The following CSMD1 variants were observed in gnomAD, a reference collection of about 807,000 sequenced individuals.
The protein encoded by CSMD1 is CUB and Sushi multiple domains 1, also known as CUB and sushi domain-containing protein 1.
In CSMD1, 213 loss-of-function variants were observed where a neutral mutation model predicts 417.5. The observed-to-expected ratio is 0.51, with a 90% CI of 0.46 to 0.57. The LOEUF (loss-of-function observed/expected upper bound fraction) is 0.57, where lower values mean the gene tolerates loss of function less well. CSMD1 is among the 20% of genes least tolerant of loss of function. The pLI is 0.00. For synonymous variants in CSMD1, 2,862 were observed against 1,736.8 expected (o/e 1.65, Z -16.11); for missense variants, 6,923 against 4,529.7 (o/e 1.53, Z -15.17).
chr8:4,422,716 C>A (rs527461998), intron 2 of CSMD1, among the ~76,000 whole-genome samples: 1 of 151,966 alleles, frequency 6.6e-6, no homozygotes, highest in African/African-American at 2.4e-5. Flanking sequence ...AATATCAAAA[C>A]CAGATAAACA....
At chr8:3,975,603 G>C (rs1005790257) in intron 5 of CSMD1, among the ~76,000 whole-genome samples, 8 of 152,114 alleles carry the variant, frequency 5.3e-5, no homozygotes, top group Admixed American at 2.6e-4. Flanking sequence ...GTGTGGATTA[G>C]AAAAAGGGTT....
intron 1 of CSMD1, among the ~76,000 whole-genome samples, chr8:4,911,626 G>A (rs775409435): frequency 2.0e-5 from 3 of 152,132 alleles, no homozygotes; most frequent in Non-Finnish European, 4.4e-5. Flanking sequence ...TTCCTGTGAG[G>A]AAATGTTCAT....
chr8:3,268,346 G>A (rs1364602643), intron 26 of CSMD1, among the ~76,000 whole-genome samples: 1 of 139,120 alleles, frequency 7.2e-6, no homozygotes, highest in Non-Finnish European at 1.5e-5. Flanking sequence ...ACCCAGGCTG[G>A]AGCGTGATCT....
At chr8:3,433,288 C>A (rs2117028879) in intron 12 of CSMD1, among the ~76,000 whole-genome samples, 1 of 152,262 alleles carries the variant, frequency 6.6e-6, no homozygotes, top group Non-Finnish European at 1.5e-5. Context: ...GTCTTCTGAC[C>A]ATATAGCTTT....
intron 5 of CSMD1, among the ~76,000 whole-genome samples, chr8:3,834,563 A>G (rs960357638): frequency 6.6e-6 from 1 of 152,202 alleles, no homozygotes; most frequent in African/African-American, 2.4e-5. Context: ...ATTTAAATGT[A>G]TCCTGGCTGT....
At chr8:3,327,045 A>G (rs1188164911) in intron 23 of CSMD1, among the ~76,000 whole-genome samples, 4 of 152,172 alleles carry the variant, frequency 2.6e-5, no homozygotes, top group Non-Finnish European at 5.9e-5. Context: ...AAAAAATAAA[A>G]ACAAGTGGAA....
intron 18 of CSMD1, among the ~76,000 whole-genome samples, chr8:3,383,594 A>T (rs1006307468): frequency 6.6e-6 from 1 of 152,218 alleles, no homozygotes; most frequent in Non-Finnish European, 1.5e-5. Context: ...AAAATTAAAA[A>T]TTTCTATTCA....
chr8:3,186,017 CTT>C (rs904466431), intron 36 of CSMD1, among the ~76,000 whole-genome samples: 1 of 150,698 alleles, frequency 6.6e-6, no homozygotes, highest in Non-Finnish European at 1.5e-5. Flanking sequence ...TCCCAGGTAG[CTT>C]TTTTTTCTCT....
At chr8:4,620,588 G>C (rs973143900) in intron 2 of CSMD1, among the ~76,000 whole-genome samples, 27 of 151,868 alleles carry the variant, frequency 1.8e-4, no homozygotes, top group African/African-American at 6.3e-4. Context: ...AGAATTAAAC[G>C]AGAATCTATA....
At chr8:3,873,016 C>G (rs1805584763) in intron 5 of CSMD1, among the ~76,000 whole-genome samples, 2 of 151,956 alleles carry the variant, frequency 1.3e-5, no homozygotes, top group Non-Finnish European at 2.9e-5. Flanking sequence ...CCATCTCACA[C>G]TACTCAGAAT....
intron 1 of CSMD1, among the ~76,000 whole-genome samples, chr8:4,806,786 G>C (rs1385617257): frequency 1.3e-5 from 2 of 152,092 alleles, no homozygotes; most frequent in Non-Finnish European, 2.9e-5. Flanking sequence ...CTAGTCCTGT[G>C]ACAACCTTAA....
intron 8 of CSMD1, among the ~76,000 whole-genome samples, chr8:3,596,113 T>C (rs1194541065): frequency 2.0e-5 from 3 of 152,186 alleles, no homozygotes; most frequent in African/African-American, 7.2e-5. Flanking sequence ...TTGCGGATCA[T>C]GCTCTTTGCT....
intron 3 of CSMD1, among the ~76,000 whole-genome samples, chr8:4,053,882 C>T (rs1188679735): frequency 6.6e-6 from 1 of 152,026 alleles, no homozygotes; most frequent in Non-Finnish European, 1.5e-5. Flanking sequence ...AAATTAGTTG[C>T]TATAATTATC....
intron 36 of CSMD1, among the ~76,000 whole-genome samples, chr8:3,183,893 C>A (rs564944110): frequency 3.5e-4 from 54 of 152,300 alleles, no homozygotes; most frequent in African/African-American, 1.2e-3. Flanking sequence ...CTTATGTTAA[C>A]CAGAATTAGT....
chr8:4,022,597 G>C (rs1236968623), intron 4 of CSMD1, among the ~76,000 whole-genome samples: 2 of 152,168 alleles, frequency 1.3e-5, no homozygotes, highest in Admixed American at 6.5e-5. Flanking sequence ...AAGCCTCCAA[G>C]TTACTGCTTT....
intron 41 of CSMD1, chr8:3,127,969 A>T (rs1049882064): frequency 2.0e-5 from 2 of 99,714 alleles, no homozygotes; most frequent in African/African-American, 8.7e-5. Context: ...AGAGGGAGGG[A>T]GGGAAGGAAA....
chr8:4,510,570 TCTTC>T (rs536075479), intron 2 of CSMD1, among the ~76,000 whole-genome samples: 204 of 149,750 alleles, frequency 1.4e-3, no homozygotes, highest in African/African-American at 2.2e-3. Context: ...TTCCCTTCCC[TCTTC>T]CCTTCCCTCC....
chr8:3,540,212 T>A (rs532537274), intron 10 of CSMD1, among the ~76,000 whole-genome samples: 8 of 152,332 alleles, frequency 5.3e-5, no homozygotes, highest in African/African-American at 1.9e-4. Flanking sequence ...TGTTTTAGGC[T>A]TATTAAACAA....
intron 3 of CSMD1, among the ~76,000 whole-genome samples, chr8:4,268,515 G>C (rs1804365786): frequency 6.6e-6 from 1 of 152,128 alleles, no homozygotes; most frequent in African/African-American, 2.4e-5. Flanking sequence ...GAAACAAGTA[G>C]TAGTCAAAAT....
Sources: gnomAD v4.1 joint callset for allele counts (sites outside exome capture counted in the v4.1 genomes callset) on GRCh38, gnomAD v4.1.1 for gene constraint, MANE v1.5 for transcripts, NCBI Gene and HGNC (gene_info 2026-07-23, HGNC 2026-07-21) for gene names.